The following NRCAM variants were observed in gnomAD, a reference collection of about 807,000 sequenced individuals.
NRCAM encodes neuronal cell adhesion molecule, also known as NgCAM-related cell adhesion molecule.
In NRCAM, 83 loss-of-function variants were observed where a neutral mutation model predicts 156.5. The observed-to-expected ratio is 0.53, with a 90% CI of 0.44 to 0.64. The LOEUF is 0.64. NRCAM is among the 30% of genes least tolerant of loss of function. NRCAM has a pLI of 0.00. For synonymous variants in NRCAM, 538 were observed against 563.9 expected, an observed-to-expected ratio of 0.95 and a Z score of 0.65; for missense variants, 1,417 against 1,597.3, an observed-to-expected ratio of 0.89 and a Z score of 1.92.
At chr7:108,412,996 G>T (rs1217130085) in intron 1 of NRCAM, among the ~76,000 whole-genome samples, 1 of 152,168 alleles carries the variant, frequency 6.6e-6, no homozygotes, top group Non-Finnish European at 1.5e-5. Flanking sequence ...GAATAGTGCT[G>T]CTATGAACAC....
chr7:108,385,377 A>G (rs1335993193), intron 2 of NRCAM, among the ~76,000 whole-genome samples: 1 of 152,188 alleles, frequency 6.6e-6, no homozygotes, highest in African/African-American at 2.4e-5. Context: ...ACCCAATCAC[A>G]TGAGAGAATT....
chr7:108,409,765 T>G (rs1793029027), intron 1 of NRCAM, among the ~76,000 whole-genome samples: 1 of 152,178 alleles, frequency 6.6e-6, no homozygotes, highest in African/African-American at 2.4e-5. Flanking sequence ...GCAAAAAAAT[T>G]TCACACCCAT....
chr7:108,430,043 C>T (rs981437506), intron 1 of NRCAM, among the ~76,000 whole-genome samples: 4 of 152,144 alleles, frequency 2.6e-5, no homozygotes, highest in African/African-American at 9.7e-5. Flanking sequence ...GAAGCAATGC[C>T]TGGTGTGGTC....
intron 2 of NRCAM, among the ~76,000 whole-genome samples, chr7:108,388,229 T>TGA (rs2099747708): frequency 6.6e-6 from 1 of 152,194 alleles, no homozygotes; most frequent in African/African-American, 2.4e-5. Flanking sequence ...TGTTGTTTCC[T>TGA]GACTTTTTAA....
At chr7:108,185,959 T>C (rs1015748176) in intron 20 of NRCAM, among the ~76,000 whole-genome samples, 4 of 152,166 alleles carry the variant, frequency 2.6e-5, no homozygotes, top group Admixed American at 2.0e-4. Context: ...CCTATAACAT[T>C]GGTGTGGCCA....
At chr7:108,209,373 T>G in intron 12 of NRCAM, 48 bp downstream of exon 12, 1 of 1,288,528 alleles carries the variant, frequency 7.8e-7, no homozygotes, top group South Asian at 1.6e-5. Context: ...TAATTAAAGT[T>G]TCAGGGTCTC....
At chr7:108,368,233 C>CA (rs58968998) in intron 2 of NRCAM, among the ~76,000 whole-genome samples, 2 of 110,470 alleles carry the variant, frequency 1.8e-5, no homozygotes, top group Non-Finnish European at 3.6e-5. Flanking sequence ...TACCCCCCCC[C>CA]ACCCCCCCGC....
At chr7:108,226,146 C>T in intron 9 of NRCAM, 62 bp downstream of exon 9, 1 of 1,194,064 alleles carries the variant, frequency 8.4e-7, no homozygotes, top group Non-Finnish European at 1.2e-6. Context: ...ATAATAGTTT[C>T]TATATTTTGC....
chr7:108,335,928 A>G (rs2099184235), intron 2 of NRCAM, among the ~76,000 whole-genome samples: 1 of 152,220 alleles, frequency 6.6e-6, no homozygotes, highest in Admixed American at 6.5e-5. Flanking sequence ...AAAGAACAAA[A>G]GAATATTTTC....
chr7:108,388,991 A>G (rs373411950), intron 2 of NRCAM, among the ~76,000 whole-genome samples: 1 of 152,114 alleles, frequency 6.6e-6, no homozygotes, highest in Non-Finnish European at 1.5e-5. Context: ...GTCAGGTAGC[A>G]TGATGCCTCC....
At chr7:108,379,110 T>A (rs531411468) in intron 2 of NRCAM, among the ~76,000 whole-genome samples, 1 of 152,164 alleles carries the variant, frequency 6.6e-6, no homozygotes, top group South Asian at 2.1e-4. Flanking sequence ...TATAACCACA[T>A]AAATAATATT....
At chr7:108,328,231 A>G (rs2267886) in intron 2 of NRCAM, among the ~76,000 whole-genome samples, 37,900 of 152,128 alleles carry the variant, frequency 0.25, 5,240 homozygotes, top group Non-Finnish European at 0.3. Flanking sequence ...CACACAAAAT[A>G]AAACCAAATC....
intron 1 of NRCAM, among the ~76,000 whole-genome samples, chr7:108,404,520 C>T (rs1162255513): frequency 6.6e-6 from 1 of 152,182 alleles, no homozygotes; most frequent in Non-Finnish European, 1.5e-5. Flanking sequence ...AATGGCTCAT[C>T]ATAGCTAGTA....
At chr7:108,299,105 C>CAAAAAAAAAAAAAA (rs1292917918) in intron 3 of NRCAM, among the ~76,000 whole-genome samples, 9 of 16,950 alleles carry the variant, frequency 5.3e-4, no homozygotes, top group African/African-American at 8.8e-4. Flanking sequence ...GACTCCATCT[C>CAAAAAAAAAAAAAA]AAAAAAAAAA....
At chr7:108,434,478 C>T (rs1829680141) in intron 1 of NRCAM, among the ~76,000 whole-genome samples, 1 of 151,900 alleles carries the variant, frequency 6.6e-6, no homozygotes, top group South Asian at 2.1e-4. Context: ...ACCAGGGCCA[C>T]ACAAATGTGT....
At chr7:108,333,956 G>A (rs2099152867) in intron 2 of NRCAM, among the ~76,000 whole-genome samples, 1 of 152,108 alleles carries the variant, frequency 6.6e-6, no homozygotes. Context: ...CTCTGTGTGT[G>A]TGTCCGTAAT....
At chr7:108,193,172 G>GCC in intron 17 of NRCAM, among the ~76,000 whole-genome samples, 1 of 152,234 alleles carries the variant, frequency 6.6e-6, no homozygotes, top group South Asian at 2.1e-4. Context: ...ACAGGTGTGA[G>GCC]ACCACCACAC....
At chr7:108,230,335 A>C (rs1178103271) in intron 8 of NRCAM, among the ~76,000 whole-genome samples, 1 of 151,824 alleles carries the variant, frequency 6.6e-6, no homozygotes, top group African/African-American at 2.4e-5. Flanking sequence ...AGTCACCAAC[A>C]AATTTCATCT....
At chr7:108,227,542 T>C (rs80134934) in intron 8 of NRCAM, among the ~76,000 whole-genome samples, 2,318 of 152,254 alleles carry the variant, frequency 0.015, 52 homozygotes, top group African/African-American at 0.053. Flanking sequence ...TACTGTGCAA[T>C]AGTATCAGAA....
Sources: allele counts gnomAD v4.1 joint callset (sites outside exome capture counted in the v4.1 genomes callset), GRCh38; gene constraint gnomAD v4.1.1; transcripts MANE v1.5; gene names NCBI Gene and HGNC (gene_info 2026-07-23, HGNC 2026-07-21).